NIN: variants seen among roughly 807,000 people sequenced by gnomAD.
The protein encoded by NIN is ninein.
In NIN, 137 loss-of-function variants were observed where a neutral mutation model predicts 257.6. The ratio of observed to expected loss-of-function variants is 0.53; its 90% CI spans 0.46 to 0.61. The LOEUF is 0.61. Ranked by LOEUF, NIN falls within the 20% of genes least tolerant of loss-of-function variation. The pLI is 0.00. For missense variants in NIN, 2,439 were observed against 2,501.2 expected (o/e 0.98, Z 0.53); for synonymous variants, 918 against 919.8 (o/e 1.00, Z 0.04).
intron 5 of NIN, among the ~76,000 whole-genome samples, chr14:50,783,059 G>A (rs1262859553): frequency 6.6e-6 from 1 of 152,140 alleles, no homozygotes; most frequent in East Asian, 1.9e-4. Context: ...GGGGGTGGGG[G>A]TTAGGGGAGA....
chr14:50,761,043 C>T (rs1213756297), intron 16 of NIN, among the ~76,000 whole-genome samples: 9 of 152,062 alleles, frequency 5.9e-5, no homozygotes, highest in East Asian at 1.9e-4. Context: ...CGGAATACAA[C>T]GCTGGGTAAG....
At chr14:50,763,612 G>A (rs992257607) in intron 15 of NIN, among the ~76,000 whole-genome samples, 1 of 152,186 alleles carries the variant, frequency 6.6e-6, no homozygotes, top group Non-Finnish European at 1.5e-5. Flanking sequence ...CTTTGTTGAC[G>A]CATATCAAAA....
At chr14:50,752,241 T>C (rs569759738) in intron 21 of NIN, among the ~76,000 whole-genome samples, 1 of 152,224 alleles carries the variant, frequency 6.6e-6, no homozygotes, top group South Asian at 2.1e-4. Context: ...ATTTTATCTA[T>C]TTCCGAATGT....
chr14:50,808,357 C>T (rs1461179816), intron 3 of NIN, among the ~76,000 whole-genome samples: 1 of 152,192 alleles, frequency 6.6e-6, no homozygotes, highest in African/African-American at 2.4e-5. Flanking sequence ...CACTCAAGAG[C>T]TCTGGCACTC....
Position 50,763,889 on chromosome 14 carries a change from G to A in NIN, c.1711C>T (p.Pro571Ser), listed in dbSNP as rs1177828539. The A allele has an allele frequency of 6.2e-7, 1 of 1,614,008 alleles. No homozygotes were observed. The highest frequency in any genetic ancestry group is 2.2e-5 in the East Asian group (1 of 44,882). Residue 571 changes from proline to serine, a missense_variant, in exon 15 of 31, where the codon CCG becomes TCG. Around this residue, in one of 3 missense-constraint regions of NIN, gnomAD observed 2,043 missense variants for 2,050.2 expected, o/e 1.00. Coordinates refer to ENST00000530997, the MANE Select transcript of NIN (RefSeq NM_020921.4). ...TCTTCTGACGGTGAGTTCTTCAACG[G>A]AAGCCTGAGCACTCTGCCTTGTGCA... ...YRAQGRVLRL[P>S]LKNSPSEEVE...
At chr14:50,795,779 A>G (rs11157766) in intron 4 of NIN, among the ~76,000 whole-genome samples, 78,415 of 152,086 alleles carry the variant, frequency 0.52, 22,377 homozygotes, top group East Asian at 0.83. Flanking sequence ...AAGAAGGGAC[A>G]TGAAATGCCT....
At position 50,771,487 on chromosome 14, in the gene NIN, C is replaced by A. The variant is rs371928753; in HGVS notation, c.982-19G>T. On this transcript the variant is annotated intron_variant, in intron 9 of 30. Transcript: ENST00000530997. ...CCAAGGCCTAGAAATCAGAGCAAGG[C>A]GTAAATTCAAAAACAAATCACTCAT... is the stretch of plus-strand genomic sequence containing the variant. 1 of 1,611,658 alleles carries A rather than the reference C, an allele frequency of 6.2e-7. No individual in the cohort carries two copies. Among genetic ancestry groups the A allele is most frequent in the Admixed American group, 1.7e-5 (1 of 59,624 alleles).
rs558920997 is a variant in NIN at position 50,744,292 on chromosome 14, A to G, written c.5138T>C (p.Leu1713Pro). The change falls in exon 23 of 31, where the codon CTG becomes CCG. Residue 1713 changes from leucine (L) to proline (P), a missense_variant. Leu to Pro is a moderately conservative substitution (Grantham distance 98, BLOSUM62 -3). Transcript: ENST00000530997. The stretch of plus-strand genomic sequence containing the variant: ...CTCACTCAGAGCTTCCTTTTCTTTC[A>G]GCAGTTTTTCGTTGTAGCTTAGAAC... Reference protein sequence around the residue: ...SSVLSYNEKLLKEKEALSEEL... With the variant: ...SSVLSYNEKLPKEKEALSEEL... The G allele has an allele frequency of 7.6e-5, 122 of 1,614,044 alleles. 1 individual carries two copies. In the Admixed American group the frequency reaches 1.8e-3, roughly 23 times the overall value.
chr14:50,805,065 T>C (rs1186876970), intron 4 of NIN, among the ~76,000 whole-genome samples: 1 of 152,222 alleles, frequency 6.6e-6, no homozygotes, highest in African/African-American at 2.4e-5. Context: ...TTTGAAGAAA[T>C]GGCAGCAGGA....
intron 4 of NIN, among the ~76,000 whole-genome samples, chr14:50,805,303 C>T (rs995258481): frequency 9.9e-5 from 15 of 152,224 alleles, no homozygotes; most frequent in African/African-American, 2.4e-4. Flanking sequence ...TAAAATGAGA[C>T]CATATAAAAA....
At chr14:50,762,000 G>C in intron 15 of NIN, 89 bp from the exon 16 acceptor site, 1 of 1,401,806 alleles carries the variant, frequency 7.1e-7, no homozygotes, top group African/African-American at 1.4e-5. Context: ...GTTTAACTAA[G>C]GAATGATTTT....
At chr14:50,744,214 T>C (rs1255740373) in intron 23 of NIN, 29 bp downstream of exon 23, 2 of 1,610,780 alleles carry the variant, frequency 1.2e-6, no homozygotes, top group Non-Finnish European at 1.7e-6. Flanking sequence ...TTGTATACGA[T>C]GATGGTAAAG....
chr14:50,724,866 C>G (rs904171418), intron 30 of NIN, among the ~76,000 whole-genome samples: 8 of 152,170 alleles, frequency 5.3e-5, no homozygotes, highest in African/African-American at 1.9e-4. Context: ...CTTTAAACTC[C>G]TGGGTTGGAT....
intron 5 of NIN, among the ~76,000 whole-genome samples, chr14:50,788,496 T>A (rs1009580078): frequency 2.0e-5 from 3 of 152,176 alleles, no homozygotes; most frequent in Non-Finnish European, 2.9e-5. Flanking sequence ...CAGTAATCAC[T>A]GAGGATGACC....
At chr14:50,803,994 C>T (rs997563685) in intron 4 of NIN, among the ~76,000 whole-genome samples, 1 of 151,076 alleles carries the variant, frequency 6.6e-6, no homozygotes, top group Admixed American at 6.6e-5. Flanking sequence ...CTCCTGGATT[C>T]AAACAATTCT....
rs536869667 is a variant in NIN at position 50,786,676 on chromosome 14, T to C, written c.435+6036A>G. On this transcript the variant is annotated intron_variant, in intron 5 of 30. Transcript: ENST00000530997. ...ATCCTGAAGACATCATAGCCTTTGG[T>C]AGAATAAATGGCATCAGCAATAAAA... Among the ~76,000 whole-genome samples the C allele has an allele frequency of 3.3e-5, 5 of 150,920 alleles. No homozygotes were observed. The East Asian group carries it at 9.7e-4, about 29-fold the overall frequency.
rs547508863 is a variant in NIN, at chr14:50,827,625, C to T, written c.-22+2839G>A. Among the ~76,000 whole-genome samples the T allele has an allele frequency of 2.3e-4, 34 of 150,332 alleles. No individual in the cohort carries two copies. The South Asian group carries it at 4.2e-3, about 19-fold the overall frequency. On this transcript the variant is annotated intron_variant, in intron 2 of 30. Transcript: ENST00000530997. ...AAAAAAAAATAGCTAGGTGTGGTGG[C>T]GCACACCTGTAATCCCAGCTACTCG...
At chr14:50,790,028 AG>A (rs2043518557) in intron 5 of NIN, among the ~76,000 whole-genome samples, 1 of 152,182 alleles carries the variant, frequency 6.6e-6, no homozygotes, top group African/African-American at 2.4e-5. Flanking sequence ...AACCGCCAAC[AG>A]GAACATCGAA....
chr14:50,725,756 T>C, intron 30 of NIN, 197 bp downstream of exon 30: 5 of 925,436 alleles, frequency 5.4e-6, no homozygotes, highest in Admixed American at 2.5e-5. Context: ...TAAACAGAGC[T>C]TTGGAAAAAA....
Sources: allele counts gnomAD v4.1 joint callset (sites outside exome capture counted in the v4.1 genomes callset), GRCh38; gene constraint gnomAD v4.1.1; regional missense constraint gnomAD v4.1.1; transcripts MANE v1.5; gene names NCBI Gene and HGNC (gene_info 2026-07-23, HGNC 2026-07-21).